Variants in CCDC112 observed in about 807,000 individuals in gnomAD.
The protein encoded by CCDC112 is coiled-coil domain containing 112.
In CCDC112, 40 loss-of-function variants were observed where a neutral mutation model predicts 66.3. The observed-to-expected ratio is 0.60, with a 90% CI of 0.47 to 0.79. The LOEUF is 0.79. Among genes scored for constraint, CCDC112 ranks in the 30% least tolerant of loss-of-function variants. The probability of loss-of-function intolerance (pLI) is 0.00; values close to 1 mark genes in which losing one functional copy is unlikely to be tolerated. For missense variants in CCDC112, 659 were observed against 603.8 expected, an observed-to-expected ratio of 1.09 and a Z score of -0.96; for synonymous variants, 214 against 197.2, an observed-to-expected ratio of 1.09 and a Z score of -0.71.
intron 2 of CCDC112, among the ~76,000 whole-genome samples, chr5:115,280,140 A>C (rs1749390309): frequency 6.6e-6 from 1 of 152,168 alleles, no homozygotes; most frequent in African/African-American, 2.4e-5. Context: ...GATACTATTA[A>C]TTTTGTAACC....
chr5:115,290,755 T>C (rs914960724), intron 1 of CCDC112, among the ~76,000 whole-genome samples: 1 of 152,192 alleles, frequency 6.6e-6, no homozygotes, highest in Non-Finnish European at 1.5e-5. Flanking sequence ...ATCAATGGTA[T>C]TTTTTCTTAA....
At chr5:115,269,843 A>T (rs1414825988) in intron 7 of CCDC112, 45 bp from the exon 8 acceptor site, 1 of 1,227,102 alleles carries the variant, frequency 8.1e-7, no homozygotes, top group Non-Finnish European at 1.1e-6. Flanking sequence ...TGTGAACTAG[A>T]ATTTGTTCAA....
rs1180173035 is a variant in CCDC112 at position 115,287,818 on chromosome 5, A to ACATG, written c.118-2914_118-2911dup. Reference sequence around the variant, plus strand: ...CTCCTGAGTAGCTGAGACTACAGGCACATGCTACTGTGCTCAACTCCAATC... The same window carrying ACATG: ...CTCCTGAGTAGCTGAGACTACAGGCACATGCATGCTACTGTGCTCAACTCCAATC... On this transcript the variant is annotated intron_variant, in intron 1 of 9. Transcript: ENST00000379611. Among the ~76,000 whole-genome samples, 11 of 149,898 alleles carry ACATG rather than the reference A, an allele frequency of 7.3e-5. 1 individual carries two copies. The highest frequency in any genetic ancestry group is 2.0e-4 in the Admixed American group (3 of 14,850).
intron 1 of CCDC112, among the ~76,000 whole-genome samples, chr5:115,294,302 T>A (rs770727296): frequency 3.3e-5 from 5 of 152,030 alleles, no homozygotes; most frequent in Non-Finnish European, 5.9e-5. Context: ...GGAGATGGGG[T>A]CTTTATGTTA....
chr5:115,272,480 C>A (rs898541941), intron 6 of CCDC112, among the ~76,000 whole-genome samples: 8 of 152,196 alleles, frequency 5.3e-5, no homozygotes, highest in Non-Finnish European at 7.3e-5. Context: ...TTTTGCTCAT[C>A]TATAAAATGG....
rs1382802451 is a variant in CCDC112 at position 115,267,870 on chromosome 5, A to G, written c.*6T>C. The G allele has an allele frequency of 6.2e-7, 1 of 1,608,988 alleles. No individual in the cohort carries two copies. The highest frequency in any genetic ancestry group is 1.1e-5 in the South Asian group (1 of 90,970). On this transcript the variant is annotated 3_prime_UTR_variant, in exon 10 of 10. Transcript: ENST00000379611. ...TTCTTATCAACTGAGTAGCAATTTGATTATCTCATACTCTTCTCTGTATTC... is the reference window on the plus strand; with the variant it reads ...TTCTTATCAACTGAGTAGCAATTTGGTTATCTCATACTCTTCTCTGTATTC...
chr5:115,291,383 G>A (rs1749922639), intron 1 of CCDC112, among the ~76,000 whole-genome samples: 1 of 151,984 alleles, frequency 6.6e-6, no homozygotes, highest in African/African-American at 2.4e-5. Context: ...ATGTTTGCTA[G>A]TATTTTGTTG....
At chr5:115,277,108 A>G in intron 3 of CCDC112, 54 bp from the exon 4 acceptor site, 1 of 1,062,970 alleles carries the variant, frequency 9.4e-7, no homozygotes, top group Non-Finnish European at 1.5e-6. Flanking sequence ...TGTGGTTACA[A>G]TTCAGGAATC....
At chr5:115,284,992 A>G (rs1033797117) in intron 1 of CCDC112, 84 bp from the exon 2 acceptor site, 52 of 1,297,782 alleles carry the variant, frequency 4.0e-5, no homozygotes, top group Non-Finnish European at 5.3e-5. Flanking sequence ...TAAAATGTCA[A>G]TAGTTGAGTT....
At chr5:115,268,804 T>C (rs1351845453) in intron 9 of CCDC112, 78 bp downstream of exon 9, 1 of 588,506 alleles carries the variant, frequency 1.7e-6, no homozygotes, top group Non-Finnish European at 2.8e-6. Flanking sequence ...AAATATAATT[T>C]ACATATAGTA....
Position 115,284,775 on chromosome 5 carries a change from T to C in CCDC112, c.239+12A>G, listed in dbSNP as rs747562757. ...TAGTAATGTTATTTGAAGATTATATTCTTATACTTACTGATTTTTAAATTT... is the reference window on the plus strand; with the variant it reads ...TAGTAATGTTATTTGAAGATTATATCCTTATACTTACTGATTTTTAAATTT... On this transcript the variant is annotated intron_variant, in intron 2 of 9. Transcript: ENST00000379611. 6.3e-7 allele frequency: 1 copy of C among 1,584,844 alleles called. No homozygotes were observed. Among genetic ancestry groups the C allele is most frequent in the South Asian group, 1.1e-5 (1 of 90,172 alleles).
At chr5:115,287,696 C>CTT (rs778702533) in intron 1 of CCDC112, among the ~76,000 whole-genome samples, 4,331 of 84,714 alleles carry the variant, frequency 0.051, 451 homozygotes, top group African/African-American at 0.18. Context: ...ATCCCCTTTC[C>CTT]TTTTTTTTTT....
Position 115,284,914 on chromosome 5 carries a change from T to C in CCDC112, c.118-6A>G, listed in dbSNP as rs770350797. 7.5e-6 allele frequency: 12 copies of C among 1,605,770 alleles called. No homozygotes were observed. The highest frequency in any genetic ancestry group is 1.0e-5 in the Non-Finnish European group (12 of 1,175,078). Reference sequence around the variant, plus strand: ...GTACTAAAACAGCCATCACTCTGCATTGAGAACAAGAAAAACTTAACAGTA... The same window carrying C: ...GTACTAAAACAGCCATCACTCTGCACTGAGAACAAGAAAAACTTAACAGTA... On this transcript the variant is annotated splice_polypyrimidine_tract_variant and splice_region_variant and intron_variant, in intron 1 of 9. Transcript: ENST00000379611.
intron 3 of CCDC112, among the ~76,000 whole-genome samples, chr5:115,279,391 C>T (rs1422501759): frequency 6.6e-6 from 1 of 152,080 alleles, no homozygotes; most frequent in Non-Finnish European, 1.5e-5. Flanking sequence ...CAAATCCTCT[C>T]TTTCTTGTTA....
chr5:115,276,907 A>G, intron 4 of CCDC112, 58 bp downstream of exon 4: 1 of 1,121,174 alleles, frequency 8.9e-7, no homozygotes, highest in Non-Finnish European at 1.3e-6. Context: ...TAGCTCCATT[A>G]ATGCCAAACA....
chr5:115,289,759 C>A (rs114035839), intron 1 of CCDC112, among the ~76,000 whole-genome samples: 2 of 152,176 alleles, frequency 1.3e-5, no homozygotes, highest in Admixed American at 6.5e-5. Flanking sequence ...CTCACTGCAA[C>A]CTCTACCTCC....
chr5:115,290,292 A>G (rs1248406625), intron 1 of CCDC112, among the ~76,000 whole-genome samples: 1 of 150,754 alleles, frequency 6.6e-6, no homozygotes, highest in Admixed American at 6.6e-5. Flanking sequence ...TCTGCCCATA[A>G]AACTGTAGGT....
At chr5:115,278,034 T>C (rs886302272) in intron 3 of CCDC112, among the ~76,000 whole-genome samples, 6 of 152,142 alleles carry the variant, frequency 3.9e-5, no homozygotes, top group Non-Finnish European at 8.8e-5. Context: ...TTAATACGTA[T>C]ATGACAACTT....
In CCDC112 at chr5:115,282,166, T is replaced by G. The variant is rs535473106; in HGVS notation, c.240-2398A>C. On this transcript the variant is annotated intron_variant, in intron 2 of 9. Coordinates refer to ENST00000379611, the MANE Select transcript of CCDC112 (RefSeq NM_001040440.3). ...ATTCATACACTGGAATATGATACAG[T>G]GGTACTCTGTTCTACGTACTGACAG... Among the ~76,000 whole-genome samples the G allele has an allele frequency of 3.9e-5, 6 of 152,320 alleles. No homozygotes were observed. In the East Asian group the frequency reaches 1.2e-3, roughly 29 times the overall value.
Sources: gnomAD v4.1 joint callset for allele counts (sites outside exome capture counted in the v4.1 genomes callset) on GRCh38, gnomAD v4.1.1 for gene constraint, MANE v1.5 for transcripts, NCBI Gene and HGNC (gene_info 2026-07-23, HGNC 2026-07-21) for gene names.